Variants in TECR observed in about 807,000 individuals in gnomAD.
The protein encoded by TECR is very-long-chain enoyl-CoA reductase.
Under a neutral mutation model 50.6 loss-of-function variants are expected in TECR, and 19 were observed. That is an observed-to-expected ratio of 0.38 (90% CI 0.26 to 0.55). The LOEUF (loss-of-function observed/expected upper bound fraction) is 0.55, where lower values mean the gene tolerates loss of function less well. TECR is among the 20% of genes least tolerant of loss of function. TECR has a pLI of 0.79. For missense variants in TECR, 313 were observed against 408.3 expected (o/e 0.77, Z 2.01); for synonymous variants, 168 against 163.5 (o/e 1.03, Z -0.21).
In TECR at chr19:14,563,161, G is replaced by A. The variant is rs2073954033; in HGVS notation, c.67-45G>A. The A allele has an allele frequency of 2.5e-6, 4 of 1,613,376 alleles. No individual in the cohort carries two copies. The highest frequency in any genetic ancestry group is 2.5e-6 in the Non-Finnish European group (3 of 1,179,762). On this transcript the variant is annotated intron_variant, in intron 2 of 12. Transcript: ENST00000215567. The surrounding 1 kb of genome is among the most constrained non-coding windows in gnomAD (Gnocchi z 5.3). ...TTTAGTACCTCCCCATCCTGAGTCT[G>A]GGCTCCCCGCAGAGCTGACGTCCCT...
chr19:14,529,438 G>T (rs190489162), upstream of TECR: 402 of 621,882 alleles, frequency 6.5e-4, no homozygotes, highest in African/African-American at 6.6e-3. Flanking sequence ...CGCCCCCTTC[G>T]ATTGGTCTCG....
Position 14,565,474 on chromosome 19 carries a change from G to A in TECR, c.754-144G>A, listed in dbSNP as rs1018644826. On this transcript the variant is annotated intron_variant, in intron 11 of 12. Transcript: ENST00000215567. ...AGGCGTGTGCCGCTGGGCTTCCGCC[G>A]TATACAGCCCCGCCTCCGCTGGAAT... The A allele has an allele frequency of 6.6e-5, 92 of 1,400,770 alleles. 1 individual carries two copies. In the Admixed American group the frequency reaches 1.5e-3, roughly 23 times the overall value. The allele number at this position is 1,400,770 out of a possible 1,614,324, so 86.8% of individuals were successfully genotyped here. A position where few individuals can be genotyped will look rare whatever the true frequency, so the allele number is the denominator to read the frequency against.
chr19:14,563,186 T>C lies in TECR; in HGVS notation c.67-20T>C. The C allele has an allele frequency of 6.2e-7, 1 of 1,613,412 alleles. No individual in the cohort carries two copies. The highest frequency in any genetic ancestry group is 1.1e-5 in the South Asian group (1 of 91,076). On this transcript the variant is annotated intron_variant, in intron 2 of 12. Coordinates refer to ENST00000215567, the MANE Select transcript of TECR (RefSeq NM_138501.6). This position sits in a 1 kb window ranked among gnomAD's most constrained non-coding sequence, Gnocchi z 5.3. ...GGGCTCCCCGCAGAGCTGACGTCCC[T>C]GCGCCTGTGCTTCCCCCAGGTGGAG...
At chr19:14,557,436 C>T (rs1205147424) in intron 1 of TECR, among the ~76,000 whole-genome samples, 1 of 150,484 alleles carries the variant, frequency 6.6e-6, no homozygotes, top group Non-Finnish European at 1.5e-5. Context: ...CCATAGTGCC[C>T]CGCCTAATCA....
intron 1 of TECR, among the ~76,000 whole-genome samples, chr19:14,540,063 A>ATTT (rs577605678): frequency 1.7e-5 from 2 of 116,466 alleles, no homozygotes; most frequent in South Asian, 2.8e-4. Context: ...AATTTATTTA[A>ATTT]TTTTTTTTTT....
At chr19:14,541,603 G>T (rs1254720622) in intron 1 of TECR, among the ~76,000 whole-genome samples, 3 of 152,132 alleles carry the variant, frequency 2.0e-5, no homozygotes, top group African/African-American at 7.2e-5. Context: ...TTTCATTTAA[G>T]CCAAGGCCTG....
chr19:14,545,167 C>T (rs998689845), intron 1 of TECR: 1 of 456,642 alleles, frequency 2.2e-6, no homozygotes, highest in Non-Finnish European at 4.4e-6. Flanking sequence ...CCAGCGATTC[C>T]TCATTGCTCA....
intron 1 of TECR, among the ~76,000 whole-genome samples, chr19:14,536,933 C>A (rs912340344): frequency 1.4e-5 from 2 of 147,810 alleles, no homozygotes; most frequent in African/African-American, 5.1e-5. Context: ...CACCTCTGGA[C>A]CTCTGGACAC....
At chr19:14,541,779 T>C (rs2073103737) in intron 1 of TECR, among the ~76,000 whole-genome samples, 2 of 151,788 alleles carry the variant, frequency 1.3e-5, no homozygotes, top group East Asian at 1.9e-4. Flanking sequence ...GTGGACTTCT[T>C]TTCATTTTTT....
At chr19:14,562,961 C>T (rs570354944) in intron 2 of TECR, among the ~76,000 whole-genome samples, 169 of 152,074 alleles carry the variant, frequency 1.1e-3, no homozygotes, top group Non-Finnish European at 1.3e-3. Context: ...ATGCTTAATC[C>T]GCCACTAGCC....
intron 1 of TECR, among the ~76,000 whole-genome samples, chr19:14,543,388 AATATATATATATATATAT>A (rs777992038): frequency 1.3e-4 from 5 of 37,716 alleles, no homozygotes; most frequent in East Asian, 8.5e-4. Context: ...TGTTTCAGAG[AATATATATATATATATAT>A]ATATATATAT....
intron 1 of TECR, among the ~76,000 whole-genome samples, chr19:14,560,356 C>T (rs1327490483): frequency 6.6e-6 from 1 of 152,198 alleles, no homozygotes; most frequent in Admixed American, 6.5e-5. Flanking sequence ...GGCTGCCTTC[C>T]TACAGGCCAC....
chr19:14,562,588 C>G lies in TECR; in HGVS notation c.66+13C>G. The G allele has an allele frequency of 6.2e-7, 1 of 1,614,100 alleles. No individual in the cohort carries two copies. Among genetic ancestry groups the G allele is most frequent in the Non-Finnish European group, 8.5e-7 (1 of 1,179,968 alleles). On this transcript the variant is annotated intron_variant, in intron 2 of 12. Coordinates refer to ENST00000215567, the MANE Select transcript of TECR (RefSeq NM_138501.6). Reference sequence around the variant, plus strand: ...TTTCTTGGACAAGGTAGGACTGGGGCGTGGGCTGCACTGGGCCAAGGGCAC... The same window carrying G: ...TTTCTTGGACAAGGTAGGACTGGGGGGTGGGCTGCACTGGGCCAAGGGCAC...
intron 1 of TECR, among the ~76,000 whole-genome samples, chr19:14,537,610 G>A (rs1568399210): frequency 6.6e-6 from 1 of 152,138 alleles, no homozygotes; most frequent in East Asian, 1.9e-4. Context: ...AGTTCAGGCT[G>A]GGTCTTAACA....
intron 1 of TECR, among the ~76,000 whole-genome samples, chr19:14,534,345 C>T (rs984542518): frequency 6.8e-5 from 10 of 147,944 alleles, no homozygotes; most frequent in South Asian, 4.3e-4. Context: ...AGGATGGTCT[C>T]GATCTCCTGA....
At chr19:14,537,706 C>T (rs2072950850) in intron 1 of TECR, among the ~76,000 whole-genome samples, 1 of 151,202 alleles carries the variant, frequency 6.6e-6, no homozygotes, top group South Asian at 2.1e-4. Context: ...AGTAATCTTC[C>T]TAGTAAATTA....
At chr19:14,545,065 C>A (rs2073253168) in intron 1 of TECR, 1 of 456,500 alleles carries the variant, frequency 2.2e-6, no homozygotes, top group Non-Finnish European at 4.4e-6. Flanking sequence ...AGCCTCTCAC[C>A]ACTGTCTCTG....
At chr19:14,551,912 C>CGCCT (rs2073523788) in intron 1 of TECR, among the ~76,000 whole-genome samples, 1 of 124,578 alleles carries the variant, frequency 8.0e-6, no homozygotes, top group African/African-American at 3.1e-5. Context: ...TCTCTCTCTC[C>CGCCT]CCCTCCCTCC....
intron 1 of TECR, among the ~76,000 whole-genome samples, chr19:14,556,680 A>T (rs947325932): frequency 1.3e-5 from 2 of 152,128 alleles, no homozygotes; most frequent in African/African-American, 4.8e-5. Flanking sequence ...AGGCTCCCTG[A>T]GCTCTCTTGG....
Sources: allele counts gnomAD v4.1 joint callset (sites outside exome capture counted in the v4.1 genomes callset), GRCh38; gene constraint gnomAD v4.1.1; non-coding constraint Gnocchi (gnomAD v3.1); transcripts MANE v1.5; gene names NCBI Gene and HGNC (gene_info 2026-07-23, HGNC 2026-07-21).